Variants in BTBD9 observed in about 807,000 individuals in gnomAD.
BTBD9 encodes BTB domain containing 9.
In BTBD9, 49 loss-of-function variants were observed where a neutral mutation model predicts 64.3. The ratio of observed to expected loss-of-function variants is 0.76; its 90% CI spans 0.61 to 0.97. BTBD9 has a LOEUF of 0.97. Among genes scored for constraint, BTBD9 ranks in the 50% least tolerant of loss-of-function variants. The pLI, the probability that BTBD9 is intolerant of heterozygous loss-of-function variation, is 0.00. For missense variants in BTBD9, 598 were observed against 762.1 expected (o/e 0.78, Z 2.53); for synonymous variants, 260 against 274.7 (o/e 0.95, Z 0.53).
chr6:38,192,017 T>C (rs1762094470), intron 10 of BTBD9, among the ~76,000 whole-genome samples: 2 of 152,252 alleles, frequency 1.3e-5, no homozygotes, highest in African/African-American at 2.4e-5. Context: ...GCTACTTTTA[T>C]GTTTCTCATC....
At chr6:38,330,312 C>T (rs1279156575) in intron 7 of BTBD9, among the ~76,000 whole-genome samples, 1 of 152,178 alleles carries the variant, frequency 6.6e-6, no homozygotes, top group Non-Finnish European at 1.5e-5. Context: ...ATTGGCCTCC[C>T]AAAGTGCTGT....
intron 6 of BTBD9, among the ~76,000 whole-genome samples, chr6:38,451,690 C>T (rs1769558677): frequency 6.6e-6 from 1 of 152,114 alleles, no homozygotes; most frequent in South Asian, 2.1e-4. Flanking sequence ...TATTTGTTGC[C>T]AAGTCTTGAT....
intron 6 of BTBD9, among the ~76,000 whole-genome samples, chr6:38,465,737 A>G (rs1582474787): frequency 5.6e-5 from 3 of 53,258 alleles, no homozygotes; most frequent in Non-Finnish European, 7.2e-5. Context: ...ATATATATAT[A>G]TATATATATA....
At chr6:38,618,098 G>A (rs1324492678) in intron 1 of BTBD9, among the ~76,000 whole-genome samples, 1 of 152,172 alleles carries the variant, frequency 6.6e-6, no homozygotes, top group Non-Finnish European at 1.5e-5. Context: ...TCTTGGATGG[G>A]GAAAAATACA....
chr6:38,519,663 G>T (rs1231777055), intron 6 of BTBD9, among the ~76,000 whole-genome samples: 5 of 152,290 alleles, frequency 3.3e-5, no homozygotes, highest in Non-Finnish European at 5.9e-5. Context: ...GCTCTCTCTG[G>T]TCATGTTTTC....
In BTBD9 at chr6:38,587,445, G is replaced by GATGCA. The variant is rs1299412766; in HGVS notation, c.814+5126_814+5130dup. 2.5e-4 allele frequency: 138 copies of GATGCA among 548,322 alleles called. 1 individual carries two copies. The highest frequency in any genetic ancestry group is 1.0e-3 in the Middle Eastern group (3 of 3,000). 34.0% of individuals were successfully genotyped at this position (548,322 alleles called of 1,614,324 possible). A position where few individuals can be genotyped will look rare whatever the true frequency, so the allele number is the denominator to read the frequency against. On this transcript the variant is annotated intron_variant, in intron 4 of 10. Transcript: ENST00000481247. ...TTACTTATGATGAATTAGTGCTAAT[G>GATGCA]ATGCAACGAGTTTTCAGGGGAAAAC...
intron 7 of BTBD9, among the ~76,000 whole-genome samples, chr6:38,329,186 T>C (rs1424914335): frequency 1.3e-5 from 2 of 152,126 alleles, no homozygotes; most frequent in African/African-American, 4.8e-5. Context: ...TTCATAATCT[T>C]CCTCTTTTGC....
intron 6 of BTBD9, among the ~76,000 whole-genome samples, chr6:38,363,194 T>C (rs1294330381): frequency 1.3e-5 from 2 of 152,172 alleles, no homozygotes; most frequent in Admixed American, 1.3e-4. Context: ...GCTCAACGAT[T>C]CCACCTGTTT....
Position 38,451,354 on chromosome 6 carries a change from T to C in BTBD9, c.1155-106261A>G, listed in dbSNP as rs114494962. ...CAAGTTCTTTGAAGACAAGTGCTCA[T>C]CTCTATCACTGTAGTCCTAGCACAG... is the stretch of plus-strand genomic sequence containing the variant. On this transcript the variant is annotated intron_variant, in intron 6 of 10. Transcript: ENST00000481247. Among the ~76,000 whole-genome samples the C allele has an allele frequency of 5.1e-3, 773 of 152,312 alleles. 6 individuals are homozygous for C. The highest frequency in any genetic ancestry group is 0.018 in the African/African-American group (731 of 41,580).
Position 38,271,378 on chromosome 6 carries a change from A to G in BTBD9, c.1455-14862T>C, listed in dbSNP as rs62397022. On this transcript the variant is annotated intron_variant, in intron 8 of 10. Transcript: ENST00000481247. ...ACTAAATGCTGATTTTAATATTCCT[A>G]TCTTTCAATAACAGGATTATTATTA... Among the ~76,000 whole-genome samples the G allele has an allele frequency of 4.6e-3, 693 of 152,268 alleles. 2 individuals are homozygous for G. The highest frequency in any genetic ancestry group is 7.9e-3 in the Non-Finnish European group (535 of 68,020).
At chr6:38,270,612 G>A (rs935121601) in intron 8 of BTBD9, among the ~76,000 whole-genome samples, 12 of 152,190 alleles carry the variant, frequency 7.9e-5, no homozygotes, top group African/African-American at 2.4e-4. Flanking sequence ...CCTCCAAGGC[G>A]CTGGTGCTGG....
chr6:38,218,210 T>C (rs571471966), intron 9 of BTBD9, among the ~76,000 whole-genome samples: 1 of 152,346 alleles, frequency 6.6e-6, no homozygotes, highest in African/African-American at 2.4e-5. Context: ...AAATGTTTTC[T>C]GTAAAGAGCC....
At position 38,171,035 on chromosome 6, in the gene BTBD9, C is replaced by T. The variant is rs1473305340; in HGVS notation, c.*3950G>A. ...CTCTTTGACACCTTTCTTCCCTGTC[C>T]AAAGGGAGGTTCTTAATTGAAGTCT... is the stretch of plus-strand genomic sequence containing the variant. On this transcript the variant is annotated 3_prime_UTR_variant, in exon 11 of 11. Coordinates refer to ENST00000481247, the MANE Select transcript of BTBD9 (RefSeq NM_001099272.2). 6.6e-6 allele frequency: 1 copy of T among 152,210 alleles called. No homozygotes were observed. Among genetic ancestry groups the T allele is most frequent in the Non-Finnish European group, 1.5e-5 (1 of 68,032 alleles). 9.4% of individuals were successfully genotyped at this position (152,210 alleles called of 1,614,324 possible).
chr6:38,603,735 G>GT (rs1300913381), intron 1 of BTBD9, among the ~76,000 whole-genome samples: 6 of 152,284 alleles, frequency 3.9e-5, no homozygotes, highest in Admixed American at 1.3e-4. Context: ...TCTGCCAGGT[G>GT]TATTTCCTGA....
chr6:38,499,122 G>C (rs1772084614), intron 6 of BTBD9, among the ~76,000 whole-genome samples: 2 of 151,098 alleles, frequency 1.3e-5, no homozygotes. Context: ...ACACTATTTT[G>C]ACAGGAGGTT....
intron 6 of BTBD9, among the ~76,000 whole-genome samples, chr6:38,371,447 G>A (rs905193527): frequency 3.3e-5 from 5 of 152,184 alleles, no homozygotes; most frequent in African/African-American, 1.2e-4. Flanking sequence ...GGTAGACCGT[G>A]AGCCTTCCTT....
At chr6:38,323,707 T>C (rs983576809) in intron 7 of BTBD9, among the ~76,000 whole-genome samples, 6 of 152,220 alleles carry the variant, frequency 3.9e-5, no homozygotes, top group African/African-American at 1.4e-4. Flanking sequence ...GTCTTAGATA[T>C]ATGTTAATTT....
intron 9 of BTBD9, among the ~76,000 whole-genome samples, chr6:38,249,097 T>C (rs144677891): frequency 1.3e-3 from 205 of 152,298 alleles, no homozygotes; most frequent in Admixed American, 3.5e-3. Context: ...TAGAGGGCAA[T>C]AAATCCAAGC....
At chr6:38,256,235 A>C (rs1037548690) in intron 9 of BTBD9, among the ~76,000 whole-genome samples, 174 bp downstream of exon 9, 1 of 152,144 alleles carries the variant, frequency 6.6e-6, no homozygotes, top group East Asian at 1.9e-4. Context: ...ACATCAAGTA[A>C]ATTTCATATA....
Sources: allele counts gnomAD v4.1 joint callset (sites outside exome capture counted in the v4.1 genomes callset), GRCh38; gene constraint gnomAD v4.1.1; transcripts MANE v1.5; gene names NCBI Gene and HGNC (gene_info 2026-07-23, HGNC 2026-07-21).